The following ATRN variants were observed in gnomAD, a reference collection of about 807,000 sequenced individuals.
ATRN encodes attractin-2.
ATRN carries 54 observed loss-of-function variants against 178.7 expected under a neutral mutation model. That is an observed-to-expected ratio of 0.30 (90% confidence interval 0.24 to 0.38). ATRN has a LOEUF of 0.38. Among genes scored for constraint, ATRN ranks in the 10% least tolerant of loss-of-function variants. The probability of loss-of-function intolerance (pLI) is 1.00; values close to 1 mark genes in which losing one functional copy is unlikely to be tolerated. For synonymous variants in ATRN, 636 were observed against 663.0 expected (o/e 0.96, Z 0.63); for missense variants, 1,443 against 1,815.1 (o/e 0.79, Z 3.73).
intron 2 of ATRN, among the ~76,000 whole-genome samples, chr20:3,537,507 T>A (rs1443208725): frequency 8.6e-5 from 12 of 139,928 alleles, no homozygotes; most frequent in African/African-American, 2.4e-4. Flanking sequence ...TTTTTACATT[T>A]TTTTATTTTA....
chr20:3,478,716 T>C (rs1486151570), intron 1 of ATRN, among the ~76,000 whole-genome samples: 1 of 152,172 alleles, frequency 6.6e-6, no homozygotes, highest in Non-Finnish European at 1.5e-5. Context: ...CTTATTTTGC[T>C]TCTTTTATTA....
intron 18 of ATRN, among the ~76,000 whole-genome samples, chr20:3,589,769 C>T (rs1568749463): frequency 1.3e-5 from 2 of 152,100 alleles, no homozygotes; most frequent in African/African-American, 2.4e-5. Flanking sequence ...TGGTCCACTT[C>T]GACTGTTGTT....
intron 12 of ATRN, among the ~76,000 whole-genome samples, chr20:3,573,761 TA>T (rs869176660): frequency 2.1e-3 from 10 of 4,696 alleles, no homozygotes; most frequent in African/African-American, 0.015. Flanking sequence ...TATTTTATTT[TA>T]TTTATTTATT....
intron 4 of ATRN, 100 bp downstream of exon 4, chr20:3,545,990 C>A: frequency 7.7e-7 from 1 of 1,301,248 alleles, no homozygotes. Context: ...CCAGGCATAG[C>A]GTCAGGCAGT....
chr20:3,640,364 G>T (rs2087058744), intron 27 of ATRN, among the ~76,000 whole-genome samples: 1 of 152,160 alleles, frequency 6.6e-6, no homozygotes, highest in African/African-American at 2.4e-5. Context: ...CTAAGAATAT[G>T]GAGGATAGAA....
chr20:3,575,875 C>T lies in ATRN; in HGVS notation c.2141C>T (p.Thr714Ile). 6.2e-7 allele frequency: 1 copy of T among 1,614,106 alleles called. No individual in the cohort carries two copies. The highest frequency in any genetic ancestry group is 8.5e-7 in the Non-Finnish European group (1 of 1,180,016). Residue 714 changes from threonine to isoleucine, a missense_variant, in exon 13 of 29, where the codon ACA (threonine) becomes ATA (isoleucine). Physicochemically the swap from Thr to Ile is moderately conservative, Grantham distance 89 (BLOSUM62 -1). Coordinates refer to ENST00000262919, the MANE Select transcript of ATRN (RefSeq NM_139321.3). Reference protein sequence around the residue: ...CDQHTDCYSCTANTNDCHWCN... With the variant: ...CDQHTDCYSCIANTNDCHWCN... Reference sequence around the variant, plus strand: ...CAGCACACAGATTGTTACAGCTGCACAGCCAACACCAATGACTGCCACTGG... The same window carrying T: ...CAGCACACAGATTGTTACAGCTGCATAGCCAACACCAATGACTGCCACTGG...
intron 18 of ATRN, among the ~76,000 whole-genome samples, chr20:3,590,882 T>A (rs3859663): frequency 0.035 from 5,406 of 152,300 alleles, 127 homozygotes; most frequent in Middle Eastern, 0.061. Context: ...TTCTATTTTT[T>A]AAGTATACTG....
chr20:3,493,115 CGTTT>C (rs1028568036), intron 1 of ATRN, among the ~76,000 whole-genome samples: 28 of 59,226 alleles, frequency 4.7e-4, no homozygotes, highest in Middle Eastern at 7.4e-3. Flanking sequence ...TATGTAGGTA[CGTTT>C]GTTTGTGTGT....
intron 1 of ATRN, among the ~76,000 whole-genome samples, chr20:3,534,000 C>T (rs2085489558): frequency 6.6e-6 from 1 of 151,984 alleles, no homozygotes; most frequent in African/African-American, 2.4e-5. Context: ...CAGTCAGTGG[C>T]AAGGGGCATG....
intron 21 of ATRN, among the ~76,000 whole-genome samples, chr20:3,596,992 C>G (rs1471772752): frequency 6.7e-6 from 1 of 149,428 alleles, no homozygotes; most frequent in East Asian, 2.0e-4. Flanking sequence ...AATTATATAC[C>G]TGCTGTACTG....
intron 1 of ATRN, among the ~76,000 whole-genome samples, chr20:3,517,066 T>TGGAAGA (rs1410775384): frequency 6.6e-6 from 1 of 152,228 alleles, no homozygotes; most frequent in Non-Finnish European, 1.5e-5. Flanking sequence ...CGCCACACTG[T>TGGAAGA]CTTCCACAAC....
At chr20:3,538,867 A>T (rs1225466384) in intron 2 of ATRN, among the ~76,000 whole-genome samples, 1 of 152,158 alleles carries the variant, frequency 6.6e-6, no homozygotes, top group East Asian at 1.9e-4. Context: ...TGTTTCAGAT[A>T]TGCTGATTTT....
intron 26 of ATRN, 88 bp downstream of exon 26, chr20:3,634,477 A>C: frequency 8.4e-7 from 1 of 1,191,450 alleles, no homozygotes; most frequent in Non-Finnish European, 1.2e-6. Flanking sequence ...TTAGCTATTT[A>C]GTGATAATGG....
intron 25 of ATRN, among the ~76,000 whole-genome samples, chr20:3,630,166 T>C (rs1480587921): frequency 1.3e-5 from 2 of 152,138 alleles, no homozygotes; most frequent in African/African-American, 4.8e-5. Context: ...CAAAAGACAC[T>C]CCTGTCCCTC....
intron 24 of ATRN, among the ~76,000 whole-genome samples, chr20:3,608,198 C>G (rs1029346765): frequency 6.6e-6 from 1 of 152,090 alleles, no homozygotes; most frequent in African/African-American, 2.4e-5. Context: ...CTTTGTAGAG[C>G]TTTTTGGCTT....
chr20:3,537,894 C>CTTTAT (rs916341157), intron 2 of ATRN, among the ~76,000 whole-genome samples: 4 of 144,648 alleles, frequency 2.8e-5, no homozygotes, highest in Non-Finnish European at 6.1e-5. Flanking sequence ...GCCTCATTTT[C>CTTTAT]TTTATTTTAT....
At chr20:3,560,454 G>A (rs889152390) in intron 7 of ATRN, among the ~76,000 whole-genome samples, 1 of 152,078 alleles carries the variant, frequency 6.6e-6, no homozygotes, top group African/African-American at 2.4e-5. Context: ...AATTAACATG[G>A]GAGTGCAGAT....
chr20:3,471,321 CTG>C lies in ATRN; in HGVS notation c.215_216del (p.Leu72ProfsTer8). The C allele has an allele frequency of 2.8e-6, 4 of 1,454,384 alleles. No homozygotes were observed. Among genetic ancestry groups the C allele is most frequent in the East Asian group, 2.9e-5 (1 of 34,088 alleles). The allele number at this position is 1,454,384 out of a possible 1,614,324, so 90.1% of individuals were successfully genotyped here. A position where few individuals can be genotyped will look rare whatever the true frequency, so the allele number is the denominator to read the frequency against. Reference protein sequence around the residue: ...LLLLLLLSPPLLLLLLPCEAE... With the variant: ...LLLLLLLSPPXLLLLLPCEAE... ...GCTGCTGTTGTTGCTCTCGCCGCCG[CTG>C]CTGCTGCTGCTGCTGCCCTGTGAGG... On this transcript the variant is annotated frameshift_variant, in exon 1 of 29. Coordinates refer to ENST00000262919, the MANE Select transcript of ATRN (RefSeq NM_139321.3). LOFTEE classifies it high-confidence loss of function.
chr20:3,620,311 C>T (rs1372303691), intron 24 of ATRN, among the ~76,000 whole-genome samples: 2 of 152,178 alleles, frequency 1.3e-5, no homozygotes. Context: ...GTGGTGCGAT[C>T]TTGGCTTACC....
Sources: allele counts gnomAD v4.1 joint callset (sites outside exome capture counted in the v4.1 genomes callset), GRCh38; gene constraint gnomAD v4.1.1; transcripts MANE v1.5; gene names NCBI Gene and HGNC (gene_info 2026-07-23, HGNC 2026-07-21).